Variants in RALGAPA1 observed in about 807,000 individuals in gnomAD.
RALGAPA1 encodes ral GTPase-activating protein subunit alpha-1.
In RALGAPA1, 52 loss-of-function variants were observed where a neutral mutation model predicts 269.6. The observed-to-expected ratio is 0.19, with a 90% CI of 0.15 to 0.24. The LOEUF is 0.24. Among genes scored for constraint, RALGAPA1 ranks in the 10% least tolerant of loss-of-function variants. The probability of loss-of-function intolerance (pLI) is 1.00; values close to 1 mark genes in which losing one functional copy is unlikely to be tolerated. For synonymous variants in RALGAPA1, 817 were observed against 1,008.3 expected, an observed-to-expected ratio of 0.81 and a Z score of 3.60; for missense variants, 1,917 against 3,013.9, an observed-to-expected ratio of 0.64 and a Z score of 8.52.
At chr14:35,657,277 C>A (rs901896649) in intron 28 of RALGAPA1, among the ~76,000 whole-genome samples, 2 of 151,694 alleles carry the variant, frequency 1.3e-5, no homozygotes, top group African/African-American at 2.4e-5. Flanking sequence ...CAACCTCCAC[C>A]TCCTCGGTTC....
At chr14:35,607,202 G>T (rs1485704373) in intron 35 of RALGAPA1, among the ~76,000 whole-genome samples, 1 of 152,180 alleles carries the variant, frequency 6.6e-6, no homozygotes, top group East Asian at 1.9e-4. Context: ...ACAACACAGA[G>T]CTTTTGATAT....
intron 16 of RALGAPA1, among the ~76,000 whole-genome samples, chr14:35,702,869 A>T (rs2067483340): frequency 6.6e-6 from 1 of 151,476 alleles, no homozygotes; most frequent in South Asian, 2.1e-4. Context: ...CCTCCTGAGT[A>T]GCTGGGACTA....
At chr14:35,671,157 C>T (rs554473572) in intron 26 of RALGAPA1, among the ~76,000 whole-genome samples, 7 of 152,040 alleles carry the variant, frequency 4.6e-5, no homozygotes, top group Non-Finnish European at 8.8e-5. Flanking sequence ...TTCTTCCCTC[C>T]GTTTCTTTAG....
chr14:35,575,607 A>G (rs1367054586), intron 37 of RALGAPA1, among the ~76,000 whole-genome samples: 1 of 151,976 alleles, frequency 6.6e-6, no homozygotes, highest in Non-Finnish European at 1.5e-5. Context: ...TTATTTATTT[A>G]TTTTGAGATG....
intron 40 of RALGAPA1, 47 bp from the exon 41 acceptor site, chr14:35,548,585 T>C: frequency 7.5e-7 from 1 of 1,336,548 alleles, no homozygotes; most frequent in Non-Finnish European, 1.0e-6. Flanking sequence ...AGCAAGATAT[T>C]ACAGAATAGG....
Position 35,549,223 on chromosome 14 carries a change from C to T in RALGAPA1, c.7508G>A (p.Arg2503Lys), listed in dbSNP as rs1566652437. The change falls in exon 40 of 42, where the codon AGA (arginine) becomes AAA (lysine). Residue 2503 changes from arginine (R) to lysine (K), a missense_variant. By Grantham distance (26) the Arg-to-Lys change is conservative. This residue lies in a region of RALGAPA1 where 91 missense variants were observed against 130.9 expected (regional missense o/e 0.70). Coordinates refer to ENST00000680220, the MANE Select transcript of RALGAPA1 (RefSeq NM_001346249.2). ...IPLYQNFYEE[R>K]ARYLQTIVQH... ...GACAATTGTTTGCAGGTATCGTGCT[C>T]TCTCCTCATAGCTGATTTCCTTTGG... 1 of 1,612,600 alleles carries T rather than the reference C, an allele frequency of 6.2e-7. No individual in the cohort carries two copies. The highest frequency in any genetic ancestry group is 8.5e-7 in the Non-Finnish European group (1 of 1,179,042).
chr14:35,708,189 CAATG>C (rs2140773309), intron 16 of RALGAPA1, among the ~76,000 whole-genome samples: 2 of 152,178 alleles, frequency 1.3e-5, no homozygotes, highest in Non-Finnish European at 2.9e-5. Context: ...CTCTCCAGGA[CAATG>C]AAGCAGGCAA....
At chr14:35,803,919 T>C (rs902392789) in intron 1 of RALGAPA1, among the ~76,000 whole-genome samples, 3 of 151,910 alleles carry the variant, frequency 2.0e-5, no homozygotes, top group Non-Finnish European at 4.4e-5. Flanking sequence ...CCACTGCACC[T>C]GGCCTAAAGA....
chr14:35,748,228 T>C (rs934335970), intron 10 of RALGAPA1, among the ~76,000 whole-genome samples: 6 of 152,004 alleles, frequency 3.9e-5, no homozygotes, highest in African/African-American at 1.4e-4. Flanking sequence ...ATGTAAATTA[T>C]ATAAACTAAG....
intron 7 of RALGAPA1, among the ~76,000 whole-genome samples, chr14:35,754,817 A>C (rs1488219835): frequency 6.6e-6 from 1 of 152,232 alleles, no homozygotes; most frequent in Admixed American, 6.5e-5. Context: ...ATAACTGAAT[A>C]AACTGGTGCA....
At position 35,634,230 on chromosome 14, in the gene RALGAPA1, G is replaced by A. The variant is rs371272434; in HGVS notation, c.5995+344C>T. 7.9e-5 allele frequency among the ~76,000 whole-genome samples: 12 copies of A among 152,182 alleles called. No individual in the cohort carries two copies. The South Asian group carries it at 1.7e-3, about 21-fold the overall frequency. ...ATGATGCTCAAAGGAAATGCTCATT[G>A]GAGCATTTCAGATTTTGGATTTTCA... On this transcript the variant is annotated intron_variant, in intron 33 of 41. Transcript: ENST00000680220.
Position 35,539,359 on chromosome 14 carries a change from TA to T in RALGAPA1, c.*354del. 1 of 763,844 alleles carries T rather than the reference TA, an allele frequency of 1.3e-6. No individual in the cohort carries two copies. Among genetic ancestry groups the T allele is most frequent in the African/African-American group, 1.8e-5 (1 of 55,346 alleles). 47.3% of individuals were successfully genotyped at this position (763,844 alleles called of 1,614,324 possible). A position where few individuals can be genotyped will look rare whatever the true frequency, so the allele number is the denominator to read the frequency against. ...GATTGTGGGAAAAAAAATGAAACAA[TA>T]AATAACTTAAATCTTTAATATTAAG... On this transcript the variant is annotated 3_prime_UTR_variant, in exon 42 of 42. Coordinates refer to ENST00000680220, the MANE Select transcript of RALGAPA1 (RefSeq NM_001346249.2).
intron 30 of RALGAPA1, among the ~76,000 whole-genome samples, chr14:35,654,113 C>T (rs552244463): frequency 2.0e-5 from 3 of 152,316 alleles, no homozygotes; most frequent in Admixed American, 1.3e-4. Context: ...GCCTGGATTA[C>T]AGGCATAAGC....
intron 36 of RALGAPA1, among the ~76,000 whole-genome samples, chr14:35,599,723 G>A (rs2059157342): frequency 6.6e-6 from 1 of 152,144 alleles, no homozygotes; most frequent in African/African-American, 2.4e-5. Context: ...CTGCACTCCA[G>A]CCTGAATGAC....
intron 35 of RALGAPA1, among the ~76,000 whole-genome samples, chr14:35,624,166 A>AC (rs1355510659): frequency 1.3e-5 from 2 of 150,832 alleles, no homozygotes; most frequent in African/African-American, 4.9e-5. Flanking sequence ...CAAAAAAAAA[A>AC]AAAAAAAACA....
intron 17 of RALGAPA1, among the ~76,000 whole-genome samples, chr14:35,693,433 T>A (rs559505003): frequency 3.4e-4 from 51 of 151,964 alleles, no homozygotes; most frequent in African/African-American, 1.2e-3. Context: ...GCTTCTTATA[T>A]TTTAACTTAA....
intron 35 of RALGAPA1, among the ~76,000 whole-genome samples, chr14:35,621,261 GA>G (rs1297181915): frequency 6.6e-6 from 1 of 152,118 alleles, no homozygotes. Flanking sequence ...AGAAATAGGG[GA>G]AAGGATTCCC....
chr14:35,799,692 G>A (rs1422775759), intron 1 of RALGAPA1, among the ~76,000 whole-genome samples: 5 of 151,914 alleles, frequency 3.3e-5, no homozygotes, highest in Non-Finnish European at 5.9e-5. Context: ...GGGTACTAAG[G>A]AACAGACAGG....
intron 35 of RALGAPA1, among the ~76,000 whole-genome samples, chr14:35,607,049 G>T (rs1332614131): frequency 1.3e-5 from 2 of 151,976 alleles, no homozygotes; most frequent in Non-Finnish European, 2.9e-5. Context: ...CAGAATAAGG[G>T]TCTACACAGC....
Sources: allele counts gnomAD v4.1 joint callset (sites outside exome capture counted in the v4.1 genomes callset), GRCh38; gene constraint gnomAD v4.1.1; regional missense constraint gnomAD v4.1.1; transcripts MANE v1.5; gene names NCBI Gene and HGNC (gene_info 2026-07-23, HGNC 2026-07-21).